HKDC1: variants seen among roughly 807,000 people sequenced by gnomAD.
The protein encoded by HKDC1 is hexokinase domain containing 1.
A neutral mutation model predicts 96.6 loss-of-function variants in HKDC1; 66 were observed. The observed-to-expected ratio is 0.68, with a 90% CI of 0.56 to 0.84. The LOEUF (loss-of-function observed/expected upper bound fraction) is 0.84. HKDC1 is among the 40% of genes least tolerant of loss of function. The probability of loss-of-function intolerance (pLI) is 0.00; values close to 1 mark genes in which losing one functional copy is unlikely to be tolerated. For missense variants in HKDC1, 1,211 were observed against 1,208.1 expected, an observed-to-expected ratio of 1.00 and a Z score of -0.04; for synonymous variants, 466 against 473.1, an observed-to-expected ratio of 0.98 and a Z score of 0.20.
chr10:69,241,545 A>T (rs568147116), intron 6 of HKDC1, among the ~76,000 whole-genome samples: 46 of 152,048 alleles, frequency 3.0e-4, no homozygotes, highest in Non-Finnish European at 6.0e-4. Flanking sequence ...GTGCAGTGGC[A>T]CAGTCTTGGC....
rs956724704 is a variant in HKDC1 at position 69,266,817 on chromosome 10, T to G, written c.*60T>G. On this transcript the variant is annotated 3_prime_UTR_variant, in exon 18 of 18. Transcript: ENST00000354624. ...ACTGAACAGCTTTTCCTCTGGCAGA[T>G]CAGTTGGTCAGAGACCAATGGGCAC... The G allele has an allele frequency of 2.6e-6, 4 of 1,550,294 alleles. No individual in the cohort carries two copies. In the African/African-American group the frequency reaches 5.5e-5, roughly 21 times the overall value.
intron 10 of HKDC1, among the ~76,000 whole-genome samples, chr10:69,249,834 T>C (rs1441812065): frequency 2.6e-5 from 4 of 152,176 alleles, no homozygotes; most frequent in Non-Finnish European, 5.9e-5. Context: ...TGCATTTCCT[T>C]GACTGGATGC....
intron 12 of HKDC1, among the ~76,000 whole-genome samples, chr10:69,256,787 G>A (rs1192019580): frequency 2.0e-5 from 3 of 152,124 alleles, no homozygotes; most frequent in Non-Finnish European, 2.9e-5. Flanking sequence ...TCATGGCCAG[G>A]GAACATGATT....
At chr10:69,249,136 A>G (rs888565876) in intron 10 of HKDC1, among the ~76,000 whole-genome samples, 3 of 150,710 alleles carry the variant, frequency 2.0e-5, no homozygotes, top group Admixed American at 1.3e-4. Flanking sequence ...TTTCCCTCTC[A>G]TTGCTTCTGC....
chr10:69,222,315 G>C (rs531296900), intron 1 of HKDC1, among the ~76,000 whole-genome samples: 69 of 152,360 alleles, frequency 4.5e-4, no homozygotes, highest in African/African-American at 1.5e-3. Flanking sequence ...TATTCATTTA[G>C]AGAGTTGAGT....
rs574170046 is a variant in HKDC1 at position 69,258,696 on chromosome 10, T to A, written c.2033-80T>A. 4.7e-5 allele frequency: 66 copies of A among 1,412,698 alleles called. 1 individual carries two copies. In the African/African-American group the frequency reaches 8.2e-4, roughly 17 times the overall value. The allele number at this position is 1,412,698 out of a possible 1,614,324, so 87.5% of individuals were successfully genotyped here. On this transcript the variant is annotated intron_variant, in intron 14 of 17. Coordinates refer to ENST00000354624, the MANE Select transcript of HKDC1 (RefSeq NM_025130.4). ...GTTGTATCTGACTCCAAGCTTAAATTCTTATTTGCTGCACTCTGCCACCTT... is the reference window on the plus strand; with the variant it reads ...GTTGTATCTGACTCCAAGCTTAAATACTTATTTGCTGCACTCTGCCACCTT...
At chr10:69,220,604 A>C in intron 1 of HKDC1, 106 bp downstream of exon 1, 5 of 737,194 alleles carry the variant, frequency 6.8e-6, no homozygotes, top group Non-Finnish European at 1.1e-5. Flanking sequence ...CTTATTAGAA[A>C]AGATACTGGG....
chr10:69,233,910 A>AAAAAAAAAAG (rs71035079), intron 4 of HKDC1, among the ~76,000 whole-genome samples: 1 of 142,858 alleles, frequency 7.0e-6, no homozygotes, highest in Non-Finnish European at 1.5e-5. Context: ...AAAAAAAAAA[A>AAAAAAAAAAG]GGAATGGGGG....
At chr10:69,229,452 G>A in intron 2 of HKDC1, among the ~76,000 whole-genome samples, 1 of 152,232 alleles carries the variant, frequency 6.6e-6, no homozygotes, top group East Asian at 1.9e-4. Flanking sequence ...GCCACAGCTT[G>A]ACGAGAGTAC....
rs750805633 is a variant in HKDC1, at chr10:69,247,353, T to A, written c.1032-7T>A. 1 of 1,597,728 alleles carries A rather than the reference T, an allele frequency of 6.3e-7. No homozygotes were observed. The highest frequency in any genetic ancestry group is 1.7e-5 in the Admixed American group (1 of 60,002). On this transcript the variant is annotated splice_polypyrimidine_tract_variant and splice_region_variant and intron_variant, in intron 8 of 17. Transcript: ENST00000354624. ...GTGTCGTTCACTCATTCCTGTCCCC[T>A]GGCCAGGTATAAAGAAGGCCTTGCT...
intron 17 of HKDC1, 50 bp from the exon 18 acceptor site, chr10:69,266,560 T>C: frequency 1.3e-6 from 2 of 1,583,634 alleles, no homozygotes; most frequent in South Asian, 1.1e-5. Flanking sequence ...TTTATAAATG[T>C]TCTGATTCTA....
In HKDC1 at chr10:69,230,323, C is replaced by T. The variant is rs538813173; in HGVS notation, c.227-2441C>T. Reference sequence around the variant, plus strand: ...CAGTCAGCCTCCAAGGCCAAATAGGCCTTGGGGGTGAGCCCGGGAGCCCTG... The same window carrying T: ...CAGTCAGCCTCCAAGGCCAAATAGGTCTTGGGGGTGAGCCCGGGAGCCCTG... On this transcript the variant is annotated intron_variant, in intron 2 of 17. Transcript: ENST00000354624. Among the ~76,000 whole-genome samples, 345 of 152,180 alleles carry T rather than the reference C, an allele frequency of 2.3e-3. 8 individuals are homozygous for T. The highest frequency in any genetic ancestry group is 7.1e-4 in the Non-Finnish European group (48 of 68,034).
At chr10:69,223,781 C>T (rs951613868) in intron 1 of HKDC1, among the ~76,000 whole-genome samples, 4 of 150,458 alleles carry the variant, frequency 2.7e-5, no homozygotes, top group South Asian at 4.2e-4. Flanking sequence ...GACAGGGTTT[C>T]GCTGTGTTGG....
chr10:69,253,360 G>A (rs527939077), intron 12 of HKDC1, among the ~76,000 whole-genome samples: 18 of 152,240 alleles, frequency 1.2e-4, no homozygotes, highest in Admixed American at 6.5e-4. Flanking sequence ...GAAAGCCTCC[G>A]GGCAGGGACA....
chr10:69,224,211 A>T (rs1327348215), intron 1 of HKDC1, among the ~76,000 whole-genome samples: 3 of 151,974 alleles, frequency 2.0e-5, no homozygotes, highest in East Asian at 1.9e-4. Context: ...CTGTCTCAAA[A>T]ATAAAATAAA....
At chr10:69,226,804 T>G (rs1462893724) in intron 1 of HKDC1, among the ~76,000 whole-genome samples, 4 of 152,230 alleles carry the variant, frequency 2.6e-5, no homozygotes, top group Non-Finnish European at 4.4e-5. Context: ...AAAGCTTCCA[T>G]GTTTAGAAAT....
At chr10:69,236,096 CA>C (rs1327879931) in intron 4 of HKDC1, among the ~76,000 whole-genome samples, 1 of 151,012 alleles carries the variant, frequency 6.6e-6, no homozygotes. Flanking sequence ...TTTAAAATGG[CA>C]GCAGGTGCCT....
chr10:69,236,291 A>T (rs1843359220), intron 4 of HKDC1, among the ~76,000 whole-genome samples: 2 of 151,438 alleles, frequency 1.3e-5, no homozygotes, highest in Admixed American at 1.3e-4. Context: ...TATTTTCAGT[A>T]GAGACGGAGT....
intron 14 of HKDC1, 61 bp downstream of exon 14, chr10:69,257,487 TA>T (rs1843738257): frequency 7.8e-7 from 1 of 1,280,970 alleles, no homozygotes; most frequent in East Asian, 2.3e-5. Flanking sequence ...GGTTTCCTTT[TA>T]ACATAGTGAG....
Sources: allele counts gnomAD v4.1 joint callset (sites outside exome capture counted in the v4.1 genomes callset), GRCh38; gene constraint gnomAD v4.1.1; transcripts MANE v1.5; gene names NCBI Gene and HGNC (gene_info 2026-07-23, HGNC 2026-07-21).